The following RALGAPB variants were observed in gnomAD, a reference collection of about 807,000 sequenced individuals.
RALGAPB encodes the protein ral GTPase-activating protein subunit beta.
RALGAPB carries 25 observed loss-of-function variants against 161.1 expected under a neutral mutation model. The ratio of observed to expected loss-of-function variants is 0.16; its 90% CI spans 0.11 to 0.22. The LOEUF (loss-of-function observed/expected upper bound fraction) is 0.22, where lower values mean the gene tolerates loss of function less well. Ranked by LOEUF, RALGAPB falls within the 10% of genes least tolerant of loss-of-function variation. RALGAPB has a pLI of 1.00. For missense variants in RALGAPB, 1,391 were observed against 1,815.2 expected (o/e 0.77, Z 4.25); for synonymous variants, 629 against 626.1 (o/e 1.00, Z -0.07).
chr20:38,571,163 C>G (rs2088223325), intron 28 of RALGAPB, among the ~76,000 whole-genome samples: 1 of 152,128 alleles, frequency 6.6e-6, no homozygotes, highest in African/African-American at 2.4e-5. Flanking sequence ...CTGAACACTT[C>G]TACCATCTCC....
At chr20:38,526,610 C>G (rs183705858) in intron 13 of RALGAPB, among the ~76,000 whole-genome samples, 3 of 152,218 alleles carry the variant, frequency 2.0e-5, no homozygotes. Flanking sequence ...AGAGAGCTTC[C>G]CTAACAATAC....
chr20:38,504,919 A>G lies in RALGAPB; in HGVS notation c.741-4158A>G, dbSNP rs892987104. On this transcript the variant is annotated intron_variant, in intron 5 of 29. Coordinates refer to ENST00000262879, the MANE Select transcript of RALGAPB (RefSeq NM_020336.4). ...CAGAATGGGTATTATTAAAAAGTCA[A>G]AAAAACAGTAGATGCTGGCAAGACT... 2.0e-5 allele frequency among the ~76,000 whole-genome samples: 3 copies of G among 152,184 alleles called. No homozygotes were observed. The South Asian group carries it at 6.2e-4, about 32-fold the overall frequency.
Position 38,558,430 on chromosome 20 carries a change from C to A in RALGAPB, c.3508C>A (p.Pro1170Thr). The change falls in exon 23 of 30, where the codon CCA becomes ACA. Residue 1170 changes from proline (P) to threonine (T), a missense_variant. Pro to Thr is a conservative substitution (Grantham distance 38). Transcript: ENST00000262879. The part of the protein sequence containing the change: ...FDTVFIFYMK[P>T]GQKTNQEILK... ...CACAGTTTTTATTTTCTATATGAAG[C>A]CAGGTCAGAAAACGAACCAAGAGGT... is the stretch of plus-strand genomic sequence containing the variant. The A allele has an allele frequency of 6.3e-7, 1 of 1,594,090 alleles. No homozygotes were observed. The highest frequency in any genetic ancestry group is 8.5e-7 in the Non-Finnish European group (1 of 1,169,814).
At chr20:38,486,049 A>G (rs1174582833) in intron 1 of RALGAPB, among the ~76,000 whole-genome samples, 1 of 136,848 alleles carries the variant, frequency 7.3e-6, no homozygotes, top group African/African-American at 2.8e-5. Flanking sequence ...TGCTCACTGC[A>G]GCCTCCACCT....
chr20:38,482,447 A>G (rs1160326749), intron 1 of RALGAPB, among the ~76,000 whole-genome samples: 1 of 25,154 alleles, frequency 4.0e-5, no homozygotes, highest in African/African-American at 7.0e-5. Context: ...TTTTTTTTTG[A>G]GACAGAGTCT....
intron 17 of RALGAPB, 67 bp from the exon 18 acceptor site, chr20:38,540,974 A>G: frequency 6.5e-7 from 1 of 1,545,270 alleles, no homozygotes; most frequent in African/African-American, 1.4e-5. Context: ...TAGCATTTGG[A>G]TGGATTTCCT....
At chr20:38,505,230 G>A (rs1187193033) in intron 5 of RALGAPB, among the ~76,000 whole-genome samples, 1 of 152,212 alleles carries the variant, frequency 6.6e-6, no homozygotes, top group African/African-American at 2.4e-5. Context: ...TATGCACCAT[G>A]GAATACTATG....
chr20:38,562,745 CTTG>C, intron 24 of RALGAPB, 48 bp downstream of exon 24: 2 of 1,512,868 alleles, frequency 1.3e-6, no homozygotes, highest in African/African-American at 1.4e-5. Flanking sequence ...GTTTGTTAGT[CTTG>C]TTTTTTTTTT....
rs147041070 is a variant in RALGAPB at position 38,542,366 on chromosome 20, A to C, written c.2714+1174A>C. ...GCACAGTGAAGTTGGATTTGTTTCTATTCCTGTGGGCTTAAGTCATTCAGT... is the reference window on the plus strand; with the variant it reads ...GCACAGTGAAGTTGGATTTGTTTCTCTTCCTGTGGGCTTAAGTCATTCAGT... On this transcript the variant is annotated intron_variant, in intron 18 of 29. Transcript: ENST00000262879. Among the ~76,000 whole-genome samples the C allele has an allele frequency of 1.6e-3, 246 of 152,278 alleles. 3 individuals are homozygous for C. The highest frequency in any genetic ancestry group is 5.4e-3 in the African/African-American group (224 of 41,558).
At chr20:38,553,777 CAAAAAAAAAAAAAA>C (rs35778032) in intron 21 of RALGAPB, 76 bp from the exon 22 acceptor site, 16 of 278,776 alleles carry the variant, frequency 5.7e-5, no homozygotes, top group African/African-American at 5.1e-4. Flanking sequence ...AGCCCAGTCT[CAAAAAAAAAAAAAA>C]AAAAAAAAAA....
chr20:38,551,138 G>A lies in RALGAPB; in HGVS notation c.3077G>A (p.Arg1026Gln), dbSNP rs1216329431. The change falls in exon 21 of 30, where the codon CGG (arginine) becomes CAG (glutamine). Residue 1026 changes from arginine (R) to glutamine (Q), a missense_variant. This residue lies in a region of RALGAPB where 946 missense variants were observed against 1,257.2 expected (regional missense o/e 0.75). Coordinates refer to ENST00000262879, the MANE Select transcript of RALGAPB (RefSeq NM_020336.4). ...DVGFKYSVKH[R>Q]PFPEEVDKIP... ...GGATTTAAATATTCTGTGAAACATC[G>A]GCCATTTCCTGAAGAGGTGGACAAG... The A allele has an allele frequency of 2.5e-6, 4 of 1,613,788 alleles. No individual in the cohort carries two copies. The highest frequency in any genetic ancestry group is 3.3e-5 in the Admixed American group (2 of 59,998).
At chr20:38,553,415 A>G (rs762548213) in intron 21 of RALGAPB, among the ~76,000 whole-genome samples, 2 of 152,186 alleles carry the variant, frequency 1.3e-5, no homozygotes, top group Non-Finnish European at 2.9e-5. Context: ...TGAGAGTGAC[A>G]ACTCTGCCCC....
In RALGAPB at chr20:38,499,361, T is replaced by C. The variant is rs992239669; in HGVS notation, c.554-86T>C. 2.5e-6 allele frequency: 3 copies of C among 1,206,216 alleles called. No homozygotes were observed. In the African/African-American group the frequency reaches 4.7e-5, roughly 19 times the overall value. The allele number at this position is 1,206,216 out of a possible 1,614,324, so 74.7% of individuals were successfully genotyped here. ...CTTAATATTGCACTTATTTTAATTT[T>C]TTGACCAGTTCTCCCAAATCAGTGT... On this transcript the variant is annotated intron_variant, in intron 4 of 29. Coordinates refer to ENST00000262879, the MANE Select transcript of RALGAPB (RefSeq NM_020336.4).
intron 2 of RALGAPB, among the ~76,000 whole-genome samples, chr20:38,492,450 G>A (rs2085308148): frequency 6.6e-6 from 1 of 152,058 alleles, no homozygotes; most frequent in South Asian, 2.1e-4. Context: ...GCAGAGAACA[G>A]TTGTAAAGTA....
intron 16 of RALGAPB, 49 bp downstream of exon 16, chr20:38,535,256 C>G: frequency 6.3e-7 from 1 of 1,585,828 alleles, no homozygotes; most frequent in Non-Finnish European, 8.6e-7. Context: ...TGGGCCTTGG[C>G]TGTTTTTTCT....
At chr20:38,550,280 A>G (rs906710667) in intron 20 of RALGAPB, among the ~76,000 whole-genome samples, 1 of 152,238 alleles carries the variant, frequency 6.6e-6, no homozygotes, top group African/African-American at 2.4e-5. Flanking sequence ...TGTACCCTAA[A>G]ACTTAAAGTA....
At chr20:38,526,178 T>A (rs1394254637) in intron 13 of RALGAPB, 136 bp downstream of exon 13, 2 of 1,000,930 alleles carry the variant, frequency 2.0e-6, no homozygotes, top group Non-Finnish European at 3.0e-6. Flanking sequence ...CACAAGTTAG[T>A]TTTTTAATGT....
chr20:38,479,546 C>A (rs1312619050), intron 1 of RALGAPB, among the ~76,000 whole-genome samples: 2 of 152,226 alleles, frequency 1.3e-5, no homozygotes, highest in Non-Finnish European at 2.9e-5. Context: ...CCAGCACACA[C>A]AACCTCCAGA....
At chr20:38,541,475 C>A (rs2086963576) in intron 18 of RALGAPB, among the ~76,000 whole-genome samples, 1 of 151,736 alleles carries the variant, frequency 6.6e-6, no homozygotes, top group Admixed American at 6.6e-5. Context: ...CTTACTGTAC[C>A]CCCTCACTTT....
Sources: gnomAD v4.1 joint callset for allele counts (sites outside exome capture counted in the v4.1 genomes callset) on GRCh38, gnomAD v4.1.1 for gene constraint, gnomAD v4.1.1 regional missense constraint, MANE v1.5 for transcripts, NCBI Gene and HGNC (gene_info 2026-07-23, HGNC 2026-07-21) for gene names.